SLC24A2: variants seen among roughly 807,000 people sequenced by gnomAD.
SLC24A2 encodes the protein sodium/potassium/calcium exchanger 2.
SLC24A2 carries 36 observed loss-of-function variants against 62.0 expected under a neutral mutation model. The ratio of observed to expected loss-of-function variants is 0.58; its 90% CI spans 0.44 to 0.77. The LOEUF (loss-of-function observed/expected upper bound fraction) is 0.77, where lower values mean the gene tolerates loss of function less well. SLC24A2 is among the 30% of genes least tolerant of loss of function. The probability of loss-of-function intolerance (pLI) is 0.00; values close to 1 mark genes in which losing one functional copy is unlikely to be tolerated. For missense variants in SLC24A2, 846 were observed against 817.9 expected (o/e 1.03, Z -0.42); for synonymous variants, 358 against 294.0 (o/e 1.22, Z -2.23).
the SLC24A2 span, among the ~76,000 whole-genome samples, chr9:20,002,535 G>C: frequency 6.6e-6 from 1 of 152,098 alleles, no homozygotes; most frequent in African/African-American, 2.4e-5. Flanking sequence ...GACCCATTTT[G>C]TAGATGAGTA....
At chr9:19,936,394 CT>C in the SLC24A2 span, among the ~76,000 whole-genome samples, 1 of 152,186 alleles carries the variant, frequency 6.6e-6, no homozygotes, top group Non-Finnish European at 1.5e-5. Flanking sequence ...CTTCTTCAGC[CT>C]CCAGAGTAGC....
chr9:20,170,441 A>G, the SLC24A2 span, among the ~76,000 whole-genome samples: 3 of 151,988 alleles, frequency 2.0e-5, no homozygotes, highest in Non-Finnish European at 2.9e-5. Flanking sequence ...TCAGACGCAC[A>G]ATCTGAGCTG....
chr9:19,592,690 G>GC (rs1271266322), intron 5 of SLC24A2, among the ~76,000 whole-genome samples: 1 of 152,070 alleles, frequency 6.6e-6, no homozygotes, highest in Non-Finnish European at 1.5e-5. Flanking sequence ...TTTTGAACTA[G>GC]CATTCTATAT....
chr9:19,664,289 G>T (rs1239373460), intron 2 of SLC24A2, among the ~76,000 whole-genome samples: 3 of 152,156 alleles, frequency 2.0e-5, no homozygotes, highest in Non-Finnish European at 4.4e-5. Context: ...TCTTTAAATG[G>T]TAAGTTTCAT....
At chr9:19,556,337 C>T (rs1450417922) in intron 7 of SLC24A2, among the ~76,000 whole-genome samples, 1 of 152,170 alleles carries the variant, frequency 6.6e-6, no homozygotes, top group African/African-American at 2.4e-5. Context: ...CAGAGGTTGC[C>T]TCAGAAGCCA....
At chr9:19,679,014 G>T (rs1819636102) in intron 2 of SLC24A2, among the ~76,000 whole-genome samples, 2 of 152,182 alleles carry the variant, frequency 1.3e-5, no homozygotes, top group African/African-American at 2.4e-5. Flanking sequence ...TGCAAATGAT[G>T]ACCAGATGTT....
the SLC24A2 span, among the ~76,000 whole-genome samples, chr9:20,216,193 T>A: frequency 1.3e-5 from 2 of 152,230 alleles, no homozygotes; most frequent in African/African-American, 4.8e-5. Flanking sequence ...ATACGTTTCC[T>A]AAATAATGCA....
At chr9:19,991,015 TAC>T in the SLC24A2 span, among the ~76,000 whole-genome samples, 1,685 of 125,414 alleles carry the variant, frequency 0.013, 40 homozygotes, top group African/African-American at 0.049. Flanking sequence ...CATATATACA[TAC>T]ACACACACAT....
chr9:20,155,259 G>C, the SLC24A2 span, among the ~76,000 whole-genome samples: 2 of 151,488 alleles, frequency 1.3e-5, no homozygotes, highest in Non-Finnish European at 3.0e-5. Context: ...TTAGCCAATA[G>C]TGCTTAAAAT....
At chr9:19,713,573 G>A (rs967599935) in intron 2 of SLC24A2, among the ~76,000 whole-genome samples, 1 of 151,926 alleles carries the variant, frequency 6.6e-6, no homozygotes, top group Non-Finnish European at 1.5e-5. Context: ...TAACATTGAT[G>A]TCTATTTGCC....
At chr9:19,522,222 A>G (rs1342609791) in intron 9 of SLC24A2, among the ~76,000 whole-genome samples, 1 of 150,642 alleles carries the variant, frequency 6.6e-6, no homozygotes, top group Non-Finnish European at 1.5e-5. Context: ...CTGGTCTTGA[A>G]CTCTCGGCCT....
At position 19,619,490 on chromosome 9, in the gene SLC24A2, T is replaced by A. The variant is rs1327342003; in HGVS notation, c.1078+94A>T. The A allele has an allele frequency of 8.1e-6, 8 of 982,090 alleles. No homozygotes were observed. In the Admixed American group the frequency reaches 1.4e-4, roughly 17 times the overall value. The allele number at this position is 982,090 out of a possible 1,614,324, so 60.8% of individuals were successfully genotyped here. A position where few individuals can be genotyped will look rare whatever the true frequency, so the allele number is the denominator to read the frequency against. ...CTAAACAAGAGGAGGCTGGCAGGCG[T>A]GCATGACGACAGCACAAACACGTTT... is the stretch of plus-strand genomic sequence containing the variant. On this transcript the variant is annotated intron_variant, in intron 4 of 10. Transcript: ENST00000341998.
the SLC24A2 span, among the ~76,000 whole-genome samples, chr9:19,882,918 G>C: frequency 1.3e-5 from 2 of 152,212 alleles, no homozygotes; most frequent in Non-Finnish European, 2.9e-5. Flanking sequence ...TCAGTGCCTA[G>C]CAATATGCAG....
chr9:19,964,997 C>A, the SLC24A2 span, among the ~76,000 whole-genome samples: 1 of 152,102 alleles, frequency 6.6e-6, no homozygotes, highest in African/African-American at 2.4e-5. Context: ...CAAGCTCCAG[C>A]CACATGTAGA....
chr9:20,021,663 G>C, the SLC24A2 span, among the ~76,000 whole-genome samples: 2 of 152,002 alleles, frequency 1.3e-5, no homozygotes, highest in African/African-American at 4.8e-5. Flanking sequence ...CTGCCCATTT[G>C]CCTTGTGCTG....
intron 2 of SLC24A2, among the ~76,000 whole-genome samples, chr9:19,718,149 G>A (rs990749504): frequency 4.0e-5 from 6 of 151,144 alleles, no homozygotes; most frequent in African/African-American, 1.5e-4. Flanking sequence ...GCTAATTTTT[G>A]TATTTTTAGT....
In SLC24A2 at chr9:19,785,943, T is replaced by C. The variant is rs147462696; in HGVS notation, c.924A>G (p.Gln308=). 3.7e-5 allele frequency: 60 copies of C among 1,614,096 alleles called. No homozygotes were observed. Among genetic ancestry groups the C allele is most frequent in the Non-Finnish European group, 5.0e-5 (59 of 1,180,022 alleles). ...KVVKVTAPEA[Q]AKPSAARDKD... The stretch of plus-strand genomic sequence containing the variant: ...AAAATCCACCACCACCAACCTTTGC[T>C]TGGGCTTCTGGTGCTGTCACCTTGA... Residue 308 remains glutamine, a synonymous_variant, in exon 2 of 11, where the codon CAA becomes CAG. Coordinates refer to ENST00000341998, the MANE Select transcript of SLC24A2 (RefSeq NM_020344.4).
intron 2 of SLC24A2, among the ~76,000 whole-genome samples, chr9:19,700,564 T>C (rs530162703): frequency 6.6e-6 from 1 of 152,304 alleles, no homozygotes; most frequent in East Asian, 1.9e-4. Context: ...GGACAAATTT[T>C]ATGGGGTCAT....
chr9:19,906,645 T>C, the SLC24A2 span, among the ~76,000 whole-genome samples: 6 of 151,936 alleles, frequency 3.9e-5, no homozygotes, highest in Admixed American at 6.6e-5. Context: ...ATAAAGGGGA[T>C]ATCACCACCG....
Sources: gnomAD v4.1 joint callset for allele counts (sites outside exome capture counted in the v4.1 genomes callset) on GRCh38, gnomAD v4.1.1 for gene constraint, MANE v1.5 for transcripts, NCBI Gene and HGNC (gene_info 2026-07-23, HGNC 2026-07-21) for gene names.